FRMD1: variants seen among roughly 807,000 people sequenced by gnomAD.
FRMD1 encodes FERM domain-containing protein 1.
A neutral mutation model predicts 54.9 loss-of-function variants in FRMD1; 51 were observed. That is an observed-to-expected ratio of 0.93 (90% CI 0.74 to 1.17). The LOEUF is 1.17. Among genes scored for constraint, FRMD1 ranks in the 50% most tolerant of loss-of-function variants. FRMD1 has a pLI of 0.00. For missense variants in FRMD1, 729 were observed against 743.0 expected (o/e 0.98, Z 0.22); for synonymous variants, 324 against 306.4 (o/e 1.06, Z -0.60).
Position 168,061,682 on chromosome 6 carries a change from G to A in FRMD1, c.1045+125C>T, listed in dbSNP as rs571266498. Reference sequence around the variant, plus strand: ...CCTTCGACCTCAGCATCTGGGGGACGTGGGAGTCAGGAGGCCACAACAATA... The same window carrying A: ...CCTTCGACCTCAGCATCTGGGGGACATGGGAGTCAGGAGGCCACAACAATA... On this transcript the variant is annotated intron_variant, in intron 8 of 10. Transcript: ENST00000283309. 6.9e-5 allele frequency: 71 copies of A among 1,028,462 alleles called. No individual in the cohort carries two copies. The African/African-American group carries it at 7.7e-4, about 11-fold the overall frequency. The allele number at this position is 1,028,462 out of a possible 1,614,324, so 63.7% of individuals were successfully genotyped here. A position where few individuals can be genotyped will look rare whatever the true frequency, so the allele number is the denominator to read the frequency against.
intron 5 of FRMD1, 35 bp downstream of exon 5, chr6:168,064,836 T>G: frequency 6.5e-7 from 1 of 1,530,886 alleles, no homozygotes; most frequent in Non-Finnish European, 8.8e-7. Context: ...GGCACCAGAC[T>G]AGCAGTGCTG....
chr6:168,062,986 T>C, intron 6 of FRMD1, 27 bp from the exon 7 acceptor site: 4 of 1,603,906 alleles, frequency 2.5e-6, no homozygotes, highest in Non-Finnish European at 3.4e-6. Flanking sequence ...AGAGGTCAAG[T>C]TGCAGGCCTG....
intron 1 of FRMD1, among the ~76,000 whole-genome samples, chr6:168,078,679 T>TCTGCTCACCCTCACGGCC: frequency 2.7e-5 from 1 of 37,052 alleles, no homozygotes; most frequent in African/African-American, 1.1e-4. Context: ...CCCCCATGGC[T>TCTGCTCACCCTCACGGCC]CTGCTCACCC....
upstream of FRMD1, among the ~76,000 whole-genome samples, chr6:168,079,796 GGACA>G (rs2115023307): frequency 6.6e-6 from 1 of 152,340 alleles, no homozygotes; most frequent in Non-Finnish European, 1.5e-5. Flanking sequence ...TGGCTTGCGT[GGACA>G]GCAGCCGGGT....
chr6:168,061,889 C>A lies in FRMD1; in HGVS notation c.963G>T (p.Leu321=). ...TGCTWRSRHL[L]HLLRASHQLH... ...GCTGGTGGCTGGCGCGCAGCAGGTG[C>A]AGCAGGTGCCTGGACCGCCAGGTGC... The change falls in exon 8 of 11, where the codon CTG becomes CTT. Residue 321 remains leucine (L), a synonymous_variant. Transcript: ENST00000283309. 1 of 1,594,006 alleles carries A rather than the reference C, an allele frequency of 6.3e-7. No homozygotes were observed. The highest frequency in any genetic ancestry group is 8.5e-7 in the Non-Finnish European group (1 of 1,171,716).
intron 1 of FRMD1, 65 bp from the exon 2 acceptor site, chr6:168,075,400 G>A (rs1049034086): frequency 3.0e-6 from 4 of 1,333,824 alleles, no homozygotes; most frequent in Non-Finnish European, 3.2e-6. Flanking sequence ...GGCCACCTCA[G>A]CAAACGAGGC....
intron 2 of FRMD1, among the ~76,000 whole-genome samples, chr6:168,074,801 G>C (rs1000095756): frequency 1.3e-5 from 2 of 151,386 alleles, no homozygotes; most frequent in Non-Finnish European, 2.9e-5. Context: ...GTGTGCATGT[G>C]TGTGGTGTAT....
chr6:168,079,102 T>A lies in FRMD1; in HGVS notation c.-8A>T. Reference sequence around the variant, plus strand: ...TCTCGGGGGCACCGCCATGCTGTCGTTACTCGGCCCTCCCCCGCCATGGGT... The same window carrying A: ...TCTCGGGGGCACCGCCATGCTGTCGATACTCGGCCCTCCCCCGCCATGGGT... On this transcript the variant is annotated 5_prime_UTR_variant, in exon 1 of 11. Transcript: ENST00000283309. 1 of 1,591,064 alleles carries A rather than the reference T, an allele frequency of 6.3e-7. No individual in the cohort carries two copies. Among genetic ancestry groups the A allele is most frequent in the Non-Finnish European group, 8.5e-7 (1 of 1,172,302 alleles).
Position 168,075,275 on chromosome 6 carries a change from C to T in FRMD1, c.274G>A (p.Ala92Thr), listed in dbSNP as rs528646808. ...QVCNVASIRD[A>T]QFFGLCVVRN... ...ACCACACAGAGGCCAAAGAACTGCG[C>T]GTCTCTGATGCTCGCCACGTTGCAC... The change falls in exon 2 of 11, where the codon GCG becomes ACG. Residue 92 changes from alanine (A) to threonine (T), a missense_variant. Physicochemically the swap from Ala to Thr is moderately conservative, Grantham distance 58. Coordinates refer to ENST00000283309, the MANE Select transcript of FRMD1 (RefSeq NM_024919.6). 1.7e-5 allele frequency: 28 copies of T among 1,613,792 alleles called. No homozygotes were observed. The highest frequency in any genetic ancestry group is 8.9e-5 in the East Asian group (4 of 44,886).
chr6:168,058,825 C>T (rs2114948897), intron 10 of FRMD1, among the ~76,000 whole-genome samples: 1 of 152,216 alleles, frequency 6.6e-6, no homozygotes, highest in South Asian at 2.1e-4. Flanking sequence ...GTGTCCGGGT[C>T]CTGCCTACAG....
chr6:168,084,826 C>A (rs573436775), upstream of FRMD1, among the ~76,000 whole-genome samples: 5 of 152,364 alleles, frequency 3.3e-5, no homozygotes, highest in East Asian at 9.7e-4. Flanking sequence ...GGTCCCGCCT[C>A]CCACCTCATT....
chr6:168,072,230 G>A (rs1800343922), intron 2 of FRMD1, among the ~76,000 whole-genome samples: 1 of 152,112 alleles, frequency 6.6e-6, no homozygotes, highest in African/African-American at 2.4e-5. Context: ...CTGCTGGGAG[G>A]GGAGGTCCTT....
At chr6:168,062,563 G>T in intron 7 of FRMD1, 1 of 1,162,920 alleles carries the variant, frequency 8.6e-7, no homozygotes, top group Non-Finnish European at 1.2e-6. Flanking sequence ...GAGGCCGGCA[G>T]GAAGGGACCT....
chr6:168,065,243 C>T, intron 4 of FRMD1, 186 bp from the exon 5 acceptor site: 1 of 1,363,364 alleles, frequency 7.3e-7, no homozygotes, highest in Non-Finnish European at 9.4e-7. Context: ...CCACACTCTT[C>T]CTGGAGCGGG....
rs1474258178 is a variant in FRMD1 at position 168,055,357 on chromosome 6, ATG to A, written c.*1738_*1739del. On this transcript the variant is annotated 3_prime_UTR_variant, in exon 11 of 11. Coordinates refer to ENST00000283309, the MANE Select transcript of FRMD1 (RefSeq NM_024919.6). ...TGCATGCGTGTGCATCTGTGTGCAG[ATG>A]TGTGCGTGTGTGCATGTATGTGTGT... 6.6e-6 allele frequency: 1 copy of A among 152,460 alleles called. No homozygotes were observed. Among genetic ancestry groups the A allele is most frequent in the Non-Finnish European group, 1.5e-5 (1 of 68,438 alleles). 9.4% of individuals were successfully genotyped at this position (152,460 alleles called of 1,614,324 possible).
In FRMD1 at chr6:168,054,618, G is replaced by A. The variant is rs930092106; in HGVS notation, c.*2479C>T. 2 of 151,122 alleles carry A rather than the reference G, an allele frequency of 1.3e-5. No individual in the cohort carries two copies. The highest frequency in any genetic ancestry group is 2.9e-5 in the Non-Finnish European group (2 of 67,892). 9.4% of individuals were successfully genotyped at this position (151,122 alleles called of 1,614,324 possible). On this transcript the variant is annotated 3_prime_UTR_variant, in exon 11 of 11. Transcript: ENST00000283309. ...GGAAACATCCCTGTCCCTACCAGTC[G>A]GTGTCCATTTTTCTGGAAAATAGCC...
chr6:168,071,297 T>G lies in FRMD1; in HGVS notation c.305-3851A>C, dbSNP rs533638699. ...TACAGGCCTCAAAAATGTACACAAT[T>G]CACAAAATGTCTCAAAAATGTACAC... On this transcript the variant is annotated intron_variant, in intron 2 of 10. Transcript: ENST00000283309. 7.2e-5 allele frequency among the ~76,000 whole-genome samples: 11 copies of G among 152,330 alleles called. No homozygotes were observed. The East Asian group carries it at 2.1e-3, about 29-fold the overall frequency.
Position 168,056,745 on chromosome 6 carries a change from C to T in FRMD1, c.*352G>A, listed in dbSNP as rs1048633899. On this transcript the variant is annotated 3_prime_UTR_variant, in exon 11 of 11. Transcript: ENST00000283309. ...AGAGCTGTCTCTCCAGGGTCTGGGC[C>T]CAGCTGTGTCACCTTCTCTCCCAGA... is the stretch of plus-strand genomic sequence containing the variant. 1 of 191,736 alleles carries T rather than the reference C, an allele frequency of 5.2e-6. No homozygotes were observed. Among genetic ancestry groups the T allele is most frequent in the African/African-American group, 2.3e-5 (1 of 42,786 alleles). 11.9% of individuals were successfully genotyped at this position (191,736 alleles called of 1,614,324 possible).
At chr6:168,082,336 C>T (rs1325938526), upstream of FRMD1, among the ~76,000 whole-genome samples, 1 of 152,216 alleles carries the variant, frequency 6.6e-6, no homozygotes. Context: ...GGTCTTGCTC[C>T]ATGCTCAGCC....
Sources: allele counts gnomAD v4.1 joint callset (sites outside exome capture counted in the v4.1 genomes callset), GRCh38; gene constraint gnomAD v4.1.1; transcripts MANE v1.5; gene names NCBI Gene and HGNC (gene_info 2026-07-23, HGNC 2026-07-21).